Variants in RALGPS2 observed in about 807,000 individuals in gnomAD.
RALGPS2 encodes ras-specific guanine nucleotide-releasing factor RalGPS2.
In RALGPS2, 43 loss-of-function variants were observed where a neutral mutation model predicts 86.8. The ratio of observed to expected loss-of-function variants is 0.50; its 90% CI spans 0.39 to 0.64. RALGPS2 has a LOEUF of 0.64. Ranked by LOEUF, RALGPS2 falls within the 30% of genes least tolerant of loss-of-function variation. RALGPS2 has a pLI of 0.00. For synonymous variants in RALGPS2, 243 were observed against 231.3 expected (o/e 1.05, Z -0.46); for missense variants, 536 against 694.6 (o/e 0.77, Z 2.57).
intron 10 of RALGPS2, among the ~76,000 whole-genome samples, chr1:178,880,435 A>G (rs1338226084): frequency 6.6e-6 from 1 of 152,202 alleles, no homozygotes; most frequent in African/African-American, 2.4e-5. Context: ...TTTTCAGTCT[A>G]CAAAAAGTTT....
At chr1:178,755,557 C>T (rs1572290515) in intron 1 of RALGPS2, among the ~76,000 whole-genome samples, 1 of 152,222 alleles carries the variant, frequency 6.6e-6, no homozygotes. Context: ...CCATGGTGTA[C>T]GTGGACCACA....
chr1:178,772,286 A>G (rs993379194), intron 1 of RALGPS2, among the ~76,000 whole-genome samples: 4 of 152,162 alleles, frequency 2.6e-5, no homozygotes, highest in Middle Eastern at 3.2e-3. Flanking sequence ...GTGAACTTTT[A>G]TGGGGTAGTC....
intron 16 of RALGPS2, among the ~76,000 whole-genome samples, chr1:178,894,855 A>C (rs1008037546): frequency 5.3e-5 from 8 of 152,076 alleles, no homozygotes; most frequent in Admixed American, 5.3e-4. Context: ...TAGTTCGTAT[A>C]CAAAATTATT....
In RALGPS2 at chr1:178,783,486, G is replaced by A. The variant is rs561817486; in HGVS notation, c.58-932G>A. ...TGAGAATTTTTTAAAGTTAAGGACA[G>A]ATCCCTTTCTTTGTAATGATCGTGG... On this transcript the variant is annotated intron_variant, in intron 2 of 19. Transcript: ENST00000367635. 3.5e-4 allele frequency among the ~76,000 whole-genome samples: 54 copies of A among 152,310 alleles called. No individual in the cohort carries two copies. In the South Asian group the frequency reaches 0.011, roughly 31 times the overall value.
At chr1:178,779,726 G>A (rs1653287322) in intron 2 of RALGPS2, among the ~76,000 whole-genome samples, 2 of 152,180 alleles carry the variant, frequency 1.3e-5, no homozygotes, top group Admixed American at 1.3e-4. Flanking sequence ...ATCTTTAGAT[G>A]TGTTGTTTAT....
At chr1:178,758,347 G>A (rs1351749901) in intron 1 of RALGPS2, among the ~76,000 whole-genome samples, 3 of 152,058 alleles carry the variant, frequency 2.0e-5, no homozygotes, top group African/African-American at 4.8e-5. Context: ...TAATCATCTC[G>A]TGGTAAATGG....
intron 1 of RALGPS2, among the ~76,000 whole-genome samples, chr1:178,735,275 T>C (rs559181792): frequency 1.7e-3 from 261 of 152,232 alleles, no homozygotes; most frequent in African/African-American, 6.0e-3. Flanking sequence ...TCATACTCCA[T>C]GACTTCATTT....
Position 178,734,787 on chromosome 1 carries a change from A to G in RALGPS2, c.-84+9368A>G, listed in dbSNP as rs1315496502. 2.0e-5 allele frequency among the ~76,000 whole-genome samples: 3 copies of G among 152,292 alleles called. No individual in the cohort carries two copies. In the East Asian group the frequency reaches 5.8e-4, roughly 29 times the overall value. Reference sequence around the variant, plus strand: ...TGGTCTAAAATAGGGAGAGGGAGAGAAAAAAGGGAAAAAATAACTAAAGGT... The same window carrying G: ...TGGTCTAAAATAGGGAGAGGGAGAGGAAAAAGGGAAAAAATAACTAAAGGT... On this transcript the variant is annotated intron_variant, in intron 1 of 19. Coordinates refer to ENST00000367635, the MANE Select transcript of RALGPS2 (RefSeq NM_152663.5).
intron 1 of RALGPS2, among the ~76,000 whole-genome samples, chr1:178,771,935 G>A (rs1652829662): frequency 6.6e-6 from 1 of 152,090 alleles, no homozygotes; most frequent in South Asian, 2.1e-4. Flanking sequence ...ATTGTTCTGT[G>A]ATGTTCAGTT....
intron 1 of RALGPS2, among the ~76,000 whole-genome samples, chr1:178,763,254 G>A (rs1431646322): frequency 6.6e-6 from 1 of 152,170 alleles, no homozygotes. Flanking sequence ...TAGCCTTGTG[G>A]TATAGTTTGA....
At chr1:178,784,781 T>A in intron 3 of RALGPS2, among the ~76,000 whole-genome samples, 1 of 152,088 alleles carries the variant, frequency 6.6e-6, no homozygotes. Flanking sequence ...ACCATTATGG[T>A]AATTGCTGTC....
intron 2 of RALGPS2, among the ~76,000 whole-genome samples, chr1:178,778,246 C>T (rs1653198505): frequency 1.6e-5 from 1 of 62,206 alleles, no homozygotes; most frequent in Non-Finnish European, 2.8e-5. Context: ...CATGAACAGA[C>T]ACTTCTCAAA....
rs1479109464 is a variant in RALGPS2, at chr1:178,725,452, G to A, written c.-84+33G>A. The A allele has an allele frequency of 2.7e-5, 4 of 149,154 alleles. No homozygotes were observed. The East Asian group carries it at 8.0e-4, about 30-fold the overall frequency. 9.2% of individuals were successfully genotyped at this position (149,154 alleles called of 1,614,324 possible). A position where few individuals can be genotyped will look rare whatever the true frequency, so the allele number is the denominator to read the frequency against. On this transcript the variant is annotated intron_variant, in intron 1 of 19. Coordinates refer to ENST00000367635, the MANE Select transcript of RALGPS2 (RefSeq NM_152663.5). ...GGCTCAGGCCGCGGGGCGGTGCGGG[G>A]GAGGGAGGGAGGGAGGGTGGGTACG...
chr1:178,824,026 C>T (rs866660327), intron 7 of RALGPS2, among the ~76,000 whole-genome samples: 4 of 152,114 alleles, frequency 2.6e-5, no homozygotes, highest in South Asian at 2.1e-4. Context: ...AAGGAAATTA[C>T]GGGTAGGACA....
intron 1 of RALGPS2, among the ~76,000 whole-genome samples, chr1:178,742,285 C>T (rs570758897): frequency 5.5e-4 from 84 of 152,032 alleles, no homozygotes; most frequent in African/African-American, 2.0e-3. Flanking sequence ...ACACCATGCT[C>T]GCAATAGTCA....
chr1:178,876,823 G>A (rs565476522), intron 8 of RALGPS2, among the ~76,000 whole-genome samples: 1 of 152,192 alleles, frequency 6.6e-6, no homozygotes, highest in African/African-American at 2.4e-5. Flanking sequence ...TGTTATTTTT[G>A]TTGGTACAAA....
chr1:178,911,443 G>A (rs967133800), intron 19 of RALGPS2, among the ~76,000 whole-genome samples: 1 of 151,910 alleles, frequency 6.6e-6, no homozygotes, highest in Non-Finnish European at 1.5e-5. Flanking sequence ...ATCATTTTTT[G>A]ATTTGTGTCA....
chr1:178,810,306 G>T (rs1219841557), intron 5 of RALGPS2, among the ~76,000 whole-genome samples: 1 of 152,054 alleles, frequency 6.6e-6, no homozygotes, highest in Non-Finnish European at 1.5e-5. Flanking sequence ...AGAATCACTT[G>T]AGCCTGGGAG....
chr1:178,825,109 CT>C (rs1189787502), intron 7 of RALGPS2, among the ~76,000 whole-genome samples: 2 of 151,860 alleles, frequency 1.3e-5, no homozygotes, highest in African/African-American at 2.4e-5. Context: ...CTACTTAAGA[CT>C]TTTTTTTAAT....
Sources: allele counts gnomAD v4.1 joint callset (sites outside exome capture counted in the v4.1 genomes callset), GRCh38; gene constraint gnomAD v4.1.1; transcripts MANE v1.5; gene names NCBI Gene and HGNC (gene_info 2026-07-23, HGNC 2026-07-21).